The following DGLUCY variants were observed in gnomAD, a reference collection of about 807,000 sequenced individuals.
DGLUCY encodes the protein D-glutamate cyclase, mitochondrial.
A neutral mutation model predicts 58.5 loss-of-function variants in DGLUCY; 58 were observed. The ratio of observed to expected loss-of-function variants is 0.99; its 90% CI spans 0.80 to 1.23. The LOEUF is 1.23. Among genes scored for constraint, DGLUCY ranks in the 50% most tolerant of loss-of-function variants. The probability of loss-of-function intolerance (pLI) is 0.00; values close to 1 mark genes in which losing one functional copy is unlikely to be tolerated. For missense variants in DGLUCY, 779 were observed against 784.7 expected (o/e 0.99, Z 0.09); for synonymous variants, 325 against 314.1 (o/e 1.03, Z -0.37).
chr14:91,162,733 C>A (rs2048061389), intron 3 of DGLUCY, among the ~76,000 whole-genome samples: 1 of 152,026 alleles, frequency 6.6e-6, no homozygotes, highest in South Asian at 2.1e-4. Context: ...CCCATCTATA[C>A]TAAAAATATA....
At chr14:91,123,724 C>T (rs945578541) in intron 1 of DGLUCY, among the ~76,000 whole-genome samples, 1 of 152,030 alleles carries the variant, frequency 6.6e-6, no homozygotes, top group Non-Finnish European at 1.5e-5. Context: ...GTAGCTGAGA[C>T]TACAGGTGTG....
At chr14:91,172,998 A>G (rs1448223614) in intron 5 of DGLUCY, among the ~76,000 whole-genome samples, 1 of 152,134 alleles carries the variant, frequency 6.6e-6, no homozygotes, top group Non-Finnish European at 1.5e-5. Flanking sequence ...TTCCTTTGGA[A>G]TCCTGTGCAT....
rs115187458 is a variant in DGLUCY at position 91,179,178 on chromosome 14, G to A, written c.731-2008G>A. Among the ~76,000 whole-genome samples the A allele has an allele frequency of 3.3e-3, 504 of 152,330 alleles. 5 individuals carry two copies. Among genetic ancestry groups the A allele is most frequent in the African/African-American group, 0.012 (491 of 41,580 alleles). On this transcript the variant is annotated intron_variant, in intron 7 of 13. Coordinates refer to ENST00000256324, the MANE Select transcript of DGLUCY (RefSeq NM_001102368.3). ...CTCTTCTCCAGGAGCATACAACTGA[G>A]TAGAGATGAATACTCAAAGATAGTA...
At chr14:91,220,023 C>A (rs1241361509) in intron 13 of DGLUCY, among the ~76,000 whole-genome samples, 1 of 152,238 alleles carries the variant, frequency 6.6e-6, no homozygotes, top group Non-Finnish European at 1.5e-5. Flanking sequence ...GCCAGCCAGG[C>A]CGGCTGTGCC....
chr14:91,160,044 C>T (rs1402223723), intron 2 of DGLUCY, among the ~76,000 whole-genome samples: 1 of 152,092 alleles, frequency 6.6e-6, no homozygotes, highest in Non-Finnish European at 1.5e-5. Context: ...CGTTCCAGGC[C>T]AAGGGAGGGG....
chr14:91,156,589 G>A lies in DGLUCY; in HGVS notation c.-81-1050G>A, dbSNP rs561647870. Among the ~76,000 whole-genome samples, 5 of 152,336 alleles carry A rather than the reference G, an allele frequency of 3.3e-5. No individual in the cohort carries two copies. The East Asian group carries it at 7.7e-4, about 23-fold the overall frequency. Reference sequence around the variant, plus strand: ...ATACATGAGATATTTTTACACTGAAGTTTGGGGCTTGTCAGATCTGGCTAG... The same window carrying A: ...ATACATGAGATATTTTTACACTGAAATTTGGGGCTTGTCAGATCTGGCTAG... On this transcript the variant is annotated intron_variant, in intron 1 of 13. Transcript: ENST00000256324.
At chr14:91,219,969 C>T (rs1887184653) in intron 13 of DGLUCY, among the ~76,000 whole-genome samples, 3 of 152,214 alleles carry the variant, frequency 2.0e-5, no homozygotes, top group Admixed American at 6.5e-5. Context: ...GGGAAGCCCC[C>T]TCATGGCATC....
In DGLUCY at chr14:91,212,202, C is replaced by A. The variant is rs12587020; in HGVS notation, c.1565-3203C>A. On this transcript the variant is annotated intron_variant, in intron 12 of 13. Coordinates refer to ENST00000256324, the MANE Select transcript of DGLUCY (RefSeq NM_001102368.3). ...AAGTTTCAAACTTCTGCCCTGCAAA[C>A]GACAATGTTAAGAGAAGGAGAAGGC... is the stretch of plus-strand genomic sequence containing the variant. Among the ~76,000 whole-genome samples the A allele has an allele frequency of 7.4e-3, 1,123 of 152,118 alleles. 4 individuals are homozygous for A. Among genetic ancestry groups the A allele is most frequent in the South Asian group, 9.9e-3 (48 of 4,830 alleles).
chr14:91,167,206 C>T lies in DGLUCY; in HGVS notation c.104-19C>T, dbSNP rs1566978040. ...GAAACCGCTGACTATACATTTTTCC[C>T]TTCTCCCACCATACCCAGAGCTCCG... On this transcript the variant is annotated intron_variant, in intron 3 of 13. Transcript: ENST00000256324. 1.9e-6 allele frequency: 3 copies of T among 1,562,398 alleles called. No individual in the cohort carries two copies. The highest frequency in any genetic ancestry group is 8.6e-7 in the Non-Finnish European group (1 of 1,161,178).
At chr14:91,097,878 C>T (rs1337946512) in intron 1 of DGLUCY, among the ~76,000 whole-genome samples, 1 of 152,180 alleles carries the variant, frequency 6.6e-6, no homozygotes, top group Non-Finnish European at 1.5e-5. Context: ...ACTCATTTGA[C>T]TCCTCCTACC....
At chr14:91,091,385 G>A (rs576713374) in intron 1 of DGLUCY, among the ~76,000 whole-genome samples, 21 of 152,202 alleles carry the variant, frequency 1.4e-4, no homozygotes, top group South Asian at 1.0e-3. Context: ...AGCCAGGCGC[G>A]GTGGCAGGTG....
At chr14:91,123,927 C>CT (rs113927504) in intron 1 of DGLUCY, among the ~76,000 whole-genome samples, 4,395 of 131,728 alleles carry the variant, frequency 0.033, 272 homozygotes, top group African/African-American at 0.11. Flanking sequence ...AATAATCAGA[C>CT]TTTTTTTTTT....
chr14:91,197,053 G>A (rs914121045), intron 10 of DGLUCY, among the ~76,000 whole-genome samples: 14 of 152,166 alleles, frequency 9.2e-5, no homozygotes, highest in Admixed American at 6.6e-4. Flanking sequence ...TACAACCTCC[G>A]CCTCCCAGGT....
At chr14:91,199,634 G>A in intron 10 of DGLUCY, 123 bp from the exon 11 acceptor site, 1 of 1,151,952 alleles carries the variant, frequency 8.7e-7, no homozygotes, top group Non-Finnish European at 1.2e-6. Flanking sequence ...ACCAAGTTCT[G>A]CAGGAATGAA....
At chr14:91,103,534 G>C (rs997960548), upstream of DGLUCY, among the ~76,000 whole-genome samples, 2 of 152,052 alleles carry the variant, frequency 1.3e-5, no homozygotes, top group African/African-American at 2.4e-5. Flanking sequence ...ATCTACTTCT[G>C]CATAGGGCCT....
At chr14:91,108,124 T>C (rs1292720742) in intron 1 of DGLUCY, 1 of 152,376 alleles carries the variant, frequency 6.6e-6, no homozygotes, top group Non-Finnish European at 1.5e-5. Context: ...TTGGAGCAAA[T>C]GTGTGCAGGT....
Position 91,161,098 on chromosome 14 carries a change from C to T in DGLUCY, c.103+701C>T, listed in dbSNP as rs538397389. The stretch of plus-strand genomic sequence containing the variant: ...TTGTTGTTGTTGAGACGTAGTCTCG[C>T]TCTGTCGCCCAGGCTGGAGTGCAGT... On this transcript the variant is annotated intron_variant, in intron 3 of 13. Coordinates refer to ENST00000256324, the MANE Select transcript of DGLUCY (RefSeq NM_001102368.3). Among the ~76,000 whole-genome samples the T allele has an allele frequency of 3.0e-4, 45 of 152,344 alleles. No individual in the cohort carries two copies. The East Asian group carries it at 7.1e-3, about 24-fold the overall frequency.
At chr14:91,088,812 T>C (rs950266656) in intron 1 of DGLUCY, among the ~76,000 whole-genome samples, 8 of 152,212 alleles carry the variant, frequency 5.3e-5, no homozygotes, top group Non-Finnish European at 1.0e-4. Context: ...GCTGCCAACC[T>C]GAAGCCACAT....
chr14:91,138,284 G>A (rs1340514244), intron 1 of DGLUCY, among the ~76,000 whole-genome samples: 3 of 152,174 alleles, frequency 2.0e-5, no homozygotes, highest in African/African-American at 4.8e-5. Flanking sequence ...CTGAGGTCGG[G>A]AGTTCGAAAC....
Sources: allele counts gnomAD v4.1 joint callset (sites outside exome capture counted in the v4.1 genomes callset), GRCh38; gene constraint gnomAD v4.1.1; transcripts MANE v1.5; gene names NCBI Gene and HGNC (gene_info 2026-07-23, HGNC 2026-07-21).